AHCTF1: variants seen among roughly 807,000 people sequenced by gnomAD.
AHCTF1 encodes the protein protein ELYS.
A neutral mutation model predicts 248.4 loss-of-function variants in AHCTF1; 24 were observed. The observed-to-expected ratio is 0.10, with a 90% CI of 0.07 to 0.14. The LOEUF is 0.14. Among genes scored for constraint, AHCTF1 ranks in the 10% least tolerant of loss-of-function variants. The probability of loss-of-function intolerance (pLI) is 1.00; values close to 1 mark genes in which losing one functional copy is unlikely to be tolerated. For missense variants in AHCTF1, 2,206 were observed against 2,636.2 expected, an observed-to-expected ratio of 0.84 and a Z score of 3.57; for synonymous variants, 786 against 929.8, an observed-to-expected ratio of 0.85 and a Z score of 2.81.
At chr1:246,869,979 T>C (rs1053603594) in intron 24 of AHCTF1, among the ~76,000 whole-genome samples, 12 of 152,270 alleles carry the variant, frequency 7.9e-5, no homozygotes, top group Non-Finnish European at 1.6e-4. Flanking sequence ...TTCACCATTC[T>C]AGATGCCATT....
At chr1:246,860,340 C>G (rs1434738204) in intron 29 of AHCTF1, among the ~76,000 whole-genome samples, 1 of 152,174 alleles carries the variant, frequency 6.6e-6, no homozygotes, top group East Asian at 1.9e-4. Context: ...GAAGGACTTT[C>G]AAGTCAGACT....
rs77485059 is a variant in AHCTF1 at position 246,904,050 on chromosome 1, C to T, written c.882-17G>A. ...TCCCCTTCACTGAAACAGAAATTAA[C>T]GAAGACACGCTAAATATATTAATAC... On this transcript the variant is annotated splice_polypyrimidine_tract_variant and intron_variant, in intron 6 of 35. Coordinates refer to ENST00000648844, the MANE Select transcript of AHCTF1 (RefSeq NM_001323342.2). 1.6e-3 allele frequency: 2,513 copies of T among 1,597,784 alleles called. 32 individuals are homozygous for T. In the African/African-American group the frequency reaches 0.028, roughly 18 times the overall value.
chr1:246,860,209 A>G (rs1572376645), intron 29 of AHCTF1, among the ~76,000 whole-genome samples: 2 of 151,960 alleles, frequency 1.3e-5, no homozygotes, highest in African/African-American at 4.8e-5. Context: ...CGGAGGTTGC[A>G]GTGAGCCGAG....
chr1:246,913,032 C>T (rs1665915626), intron 4 of AHCTF1, among the ~76,000 whole-genome samples, 200 bp downstream of exon 4: 1 of 151,928 alleles, frequency 6.6e-6, no homozygotes, highest in Non-Finnish European at 1.5e-5. Context: ...ATCAACAAAA[C>T]AGTATCTTAT....
Position 246,857,729 on chromosome 1 carries a change from T to C in AHCTF1, c.4218A>G (p.Gly1406=). The stretch of plus-strand genomic sequence containing the variant: ...ATGGTGCACAAAGAGAAGCTTCAGT[T>C]CCTTGAACCGGGCTTAAGTGATTCA... ...SELNHLSPVQ[G]TEASLCAPSV... The change falls in exon 30 of 36, where the codon GGA becomes GGG. Residue 1406 remains glycine, a synonymous_variant. Coordinates refer to ENST00000648844, the MANE Select transcript of AHCTF1 (RefSeq NM_001323342.2). The C allele has an allele frequency of 1.2e-6, 2 of 1,613,858 alleles. No individual in the cohort carries two copies. Among genetic ancestry groups the C allele is most frequent in the Non-Finnish European group, 1.7e-6 (2 of 1,179,986 alleles).
At chr1:246,849,244 C>G (rs570232842) in intron 33 of AHCTF1, among the ~76,000 whole-genome samples, 2 of 152,232 alleles carry the variant, frequency 1.3e-5, no homozygotes, top group African/African-American at 4.8e-5. Context: ...AAAACAATTT[C>G]GGGTTGTGGA....
chr1:246,870,546 A>G (rs1424353569), intron 24 of AHCTF1, among the ~76,000 whole-genome samples: 1 of 152,230 alleles, frequency 6.6e-6, no homozygotes, highest in Non-Finnish European at 1.5e-5. Flanking sequence ...CAGAATCTAC[A>G]GTGTTGAAAT....
chr1:246,917,659 C>T (rs537759708), intron 2 of AHCTF1, among the ~76,000 whole-genome samples: 2 of 152,292 alleles, frequency 1.3e-5, no homozygotes, highest in South Asian at 4.1e-4. Context: ...AGAGAAATGA[C>T]TGATACATAT....
chr1:246,878,889 G>A lies in AHCTF1; in HGVS notation c.2661-1587C>T, dbSNP rs563144703. 1.3e-4 allele frequency among the ~76,000 whole-genome samples: 20 copies of A among 152,258 alleles called. 1 individual carries two copies. In the South Asian group the frequency reaches 2.5e-3, roughly 19 times the overall value. ...AAAAATTTACATCTGAAATTGCCTC[G>A]TGCTTCTCTTACTAGACGGTGGAAT... On this transcript the variant is annotated intron_variant, in intron 21 of 35. Transcript: ENST00000648844.
chr1:246,864,631 C>T lies in AHCTF1; in HGVS notation c.3348-515G>A, dbSNP rs1414146395. ...CGGGTGGATCATGAGGTCAGGAGAT[C>T]GAGACCATCCTGGCTAACAAGGTGA... On this transcript the variant is annotated intron_variant, in intron 26 of 35. Coordinates refer to ENST00000648844, the MANE Select transcript of AHCTF1 (RefSeq NM_001323342.2). Among the ~76,000 whole-genome samples the T allele has an allele frequency of 2.3e-4, 5 of 21,954 alleles. 2 individuals carry two copies. The African/African-American group carries it at 0.01, about 45-fold the overall frequency. The allele number at this position is 21,954 out of a possible 152,430, so 14.4% of individuals were successfully genotyped here.
intron 29 of AHCTF1, among the ~76,000 whole-genome samples, 185 bp from the exon 30 acceptor site, chr1:246,857,999 GC>G (rs1376195469): frequency 1.4e-5 from 2 of 139,556 alleles, no homozygotes; most frequent in Non-Finnish European, 3.0e-5. Flanking sequence ...TTGCTGTGTC[GC>G]CCAGGCTGGA....
chr1:246,851,401 T>G lies in AHCTF1; in HGVS notation c.4605A>C (p.Glu1535Asp), dbSNP rs1267865656. 1.8e-5 allele frequency: 29 copies of G among 1,612,384 alleles called. No homozygotes were observed. The highest frequency in any genetic ancestry group is 2.3e-5 in the Non-Finnish European group (27 of 1,179,092). The change falls in exon 33 of 36, where the codon GAA (glutamate) becomes GAC (aspartate). Residue 1535 changes from glutamate to aspartate, a missense_variant. Physicochemically the swap from Glu to Asp is conservative, Grantham distance 45. Transcript: ENST00000648844. ...CATTAAATGAAAGATTCCTAGCCTC[T>G]TCTCCTGAATCTTGAGCTTCAAGCT... ...QEKLEAQDSG[E>D]EARNLSFNEL... is the part of the protein sequence containing the mutation.
intron 21 of AHCTF1, among the ~76,000 whole-genome samples, chr1:246,878,418 A>AAAT (rs1663146552): frequency 2.0e-5 from 3 of 149,116 alleles, no homozygotes; most frequent in Non-Finnish European, 4.5e-5. Flanking sequence ...AAAAAAAAAA[A>AAAT]AAAAAAATAC....
chr1:246,926,967 G>A (rs1482969048), intron 1 of AHCTF1, among the ~76,000 whole-genome samples: 3 of 151,690 alleles, frequency 2.0e-5, no homozygotes, highest in Non-Finnish European at 4.4e-5. Context: ...GAGGTCAGGA[G>A]ATCGAGACCA....
At position 246,888,416 on chromosome 1, in the gene AHCTF1, T is replaced by C; in HGVS notation, c.2246A>G (p.Lys749Arg). ...TACATGCAGACTAGCAGGAGGATAT[T>C]TTCCTGTGCCTCCTTCATCTCGTTT... Reference protein sequence around the residue: ...LWKRDEGGTGKYPPASLHAVL... With the variant: ...LWKRDEGGTGRYPPASLHAVL... Residue 749 changes from lysine (K) to arginine (R), a missense_variant, in exon 18 of 36, where the codon AAA becomes AGA. Coordinates refer to ENST00000648844, the MANE Select transcript of AHCTF1 (RefSeq NM_001323342.2). The C allele has an allele frequency of 6.2e-7, 1 of 1,612,812 alleles. No individual in the cohort carries two copies. The highest frequency in any genetic ancestry group is 2.2e-5 in the East Asian group (1 of 44,864).
At chr1:246,868,873 C>T (rs1324239573) in intron 24 of AHCTF1, among the ~76,000 whole-genome samples, 3 of 140,552 alleles carry the variant, frequency 2.1e-5, no homozygotes, top group South Asian at 2.2e-4. Flanking sequence ...GAGATGGAGT[C>T]TCGCTCTGTC....
intron 26 of AHCTF1, among the ~76,000 whole-genome samples, chr1:246,867,006 GAC>G (rs913233817): frequency 3.3e-5 from 5 of 152,038 alleles, no homozygotes; most frequent in African/African-American, 1.2e-4. Context: ...TTGCTCATGA[GAC>G]AAACTTCACT....
intron 28 of AHCTF1, 55 bp from the exon 29 acceptor site, chr1:246,861,350 A>T: frequency 6.9e-7 from 1 of 1,438,956 alleles, no homozygotes; most frequent in African/African-American, 1.4e-5. Context: ...AGTTAAGTCT[A>T]GTCCTAAGCT....
Position 246,843,795 on chromosome 1 carries a change from C to T in AHCTF1, c.6525G>A (p.Leu2175=). Reference sequence around the variant, plus strand: ...ACAAATAAAATCATGCATTTCTTACCAGTTCATCTTCAAGCTTGTTCTTAT... The same window carrying T: ...ACAAATAAAATCATGCATTTCTTACTAGTTCATCTTCAAGCTTGTTCTTAT... The part of the protein sequence containing the change: ...TSNKNKLEDE[L]KDDAQSVETL... The change falls in exon 34 of 36, where the codon CTG becomes CTA. Residue 2175 remains leucine, a splice_region_variant and synonymous_variant. Transcript: ENST00000648844. The T allele has an allele frequency of 5.7e-6, 8 of 1,415,920 alleles. No homozygotes were observed. Among genetic ancestry groups the T allele is most frequent in the Non-Finnish European group, 7.4e-6 (8 of 1,079,600 alleles). The allele number at this position is 1,415,920 out of a possible 1,614,324, so 87.7% of individuals were successfully genotyped here.
Sources: allele counts gnomAD v4.1 joint callset (sites outside exome capture counted in the v4.1 genomes callset), GRCh38; gene constraint gnomAD v4.1.1; transcripts MANE v1.5; gene names NCBI Gene and HGNC (gene_info 2026-07-23, HGNC 2026-07-21).